The following CCDC42 variants were observed in gnomAD, a reference collection of about 807,000 sequenced individuals.
The protein encoded by CCDC42 is coiled-coil domain-containing protein 42.
Under a neutral mutation model 40.8 loss-of-function variants are expected in CCDC42, and 38 were observed. The ratio of observed to expected loss-of-function variants is 0.93; its 90% CI spans 0.72 to 1.22. CCDC42 has a LOEUF of 1.22. Among genes scored for constraint, CCDC42 ranks in the 50% most tolerant of loss-of-function variants. CCDC42 has a pLI of 0.00. For synonymous variants in CCDC42, 135 were observed against 157.5 expected, an observed-to-expected ratio of 0.86 and a Z score of 1.07; for missense variants, 379 against 416.5, an observed-to-expected ratio of 0.91 and a Z score of 0.78.
At chr17:8,730,326 T>G (rs919838779) in intron 6 of CCDC42, 119 bp from the exon 7 acceptor site, 6 of 628,190 alleles carry the variant, frequency 9.6e-6, no homozygotes, top group Non-Finnish European at 1.6e-5. Context: ...GTGACTGACT[T>G]CTTTTTAAAT....
chr17:8,731,383 AC>A (rs1388434272), intron 6 of CCDC42, among the ~76,000 whole-genome samples: 1 of 152,208 alleles, frequency 6.6e-6, no homozygotes, highest in Non-Finnish European at 1.5e-5. Context: ...CTACCATTCA[AC>A]CCAGCAGTCC....
At chr17:8,738,244 C>T (rs1352260834) in intron 4 of CCDC42, among the ~76,000 whole-genome samples, 1 of 152,174 alleles carries the variant, frequency 6.6e-6, no homozygotes, top group Non-Finnish European at 1.5e-5. Context: ...GAGATACATA[C>T]TGCAGAGAGA....
intron 6 of CCDC42, among the ~76,000 whole-genome samples, chr17:8,732,104 C>T (rs921593801): frequency 4.6e-5 from 7 of 151,482 alleles, no homozygotes; most frequent in East Asian, 1.9e-4. Flanking sequence ...ATCGAGACCA[C>T]CCTGGCTAAC....
At chr17:8,742,781 C>T (rs1721465646) in intron 3 of CCDC42, among the ~76,000 whole-genome samples, 1 of 152,216 alleles carries the variant, frequency 6.6e-6, no homozygotes, top group Admixed American at 6.5e-5. Context: ...GTGCTGAAAG[C>T]AACAAGGGAA....
intron 6 of CCDC42, among the ~76,000 whole-genome samples, chr17:8,731,229 G>A (rs952963801): frequency 3.9e-5 from 6 of 152,102 alleles, no homozygotes; most frequent in African/African-American, 1.4e-4. Context: ...ACACCAGAAT[G>A]GCTACTATTA....
intron 4 of CCDC42, among the ~76,000 whole-genome samples, chr17:8,739,733 G>T (rs986003545): frequency 4.6e-5 from 7 of 152,118 alleles, no homozygotes; most frequent in Non-Finnish European, 7.3e-5. Context: ...AGTAGAGACG[G>T]GGTTTCACCA....
At chr17:8,738,390 T>C (rs1293522371) in intron 4 of CCDC42, among the ~76,000 whole-genome samples, 1 of 152,188 alleles carries the variant, frequency 6.6e-6, no homozygotes, top group African/African-American at 2.4e-5. Context: ...TCTTTACTTT[T>C]GTGTATGCTT....
At chr17:8,731,434 A>G (rs1041026049) in intron 6 of CCDC42, among the ~76,000 whole-genome samples, 3 of 152,222 alleles carry the variant, frequency 2.0e-5, no homozygotes, top group African/African-American at 7.2e-5. Flanking sequence ...AAATCGTTCT[A>G]TCATAAACAC....
intron 2 of CCDC42, 121 bp from the exon 3 acceptor site, chr17:8,743,851 C>A (rs2086660532): frequency 1.4e-5 from 10 of 704,078 alleles, no homozygotes; most frequent in Non-Finnish European, 2.5e-5. Context: ...TCCATAGGAG[C>A]CTCCCACTTT....
chr17:8,738,765 A>G (rs995877467), intron 4 of CCDC42, among the ~76,000 whole-genome samples: 3 of 152,272 alleles, frequency 2.0e-5, no homozygotes, highest in Non-Finnish European at 2.9e-5. Flanking sequence ...GCACCTGGCT[A>G]TTTGAGAATT....
chr17:8,731,947 G>A (rs1442622426), intron 6 of CCDC42, among the ~76,000 whole-genome samples: 1 of 151,952 alleles, frequency 6.6e-6, no homozygotes, highest in Non-Finnish European at 1.5e-5. Flanking sequence ...GGTGGATCAC[G>A]AGGTCAGGAG....
At chr17:8,743,302 A>G (rs1238722893) in intron 3 of CCDC42, among the ~76,000 whole-genome samples, 1 of 152,114 alleles carries the variant, frequency 6.6e-6, no homozygotes, top group Non-Finnish European at 1.5e-5. Flanking sequence ...TGTATTTCCC[A>G]AGTGTTTAGT....
intron 1 of CCDC42, 45 bp downstream of exon 1, chr17:8,744,482 G>A (rs768943551): frequency 8.6e-6 from 13 of 1,503,768 alleles, no homozygotes; most frequent in African/African-American, 2.7e-5. Context: ...GGTGTGAGTG[G>A]TCCCAGGCAC....
At chr17:8,742,071 C>T (rs1395232640) in intron 3 of CCDC42, among the ~76,000 whole-genome samples, 5 of 152,040 alleles carry the variant, frequency 3.3e-5, no homozygotes, top group African/African-American at 9.7e-5. Flanking sequence ...CTCAACCCGC[C>T]GAGAAGACTG....
intron 3 of CCDC42, among the ~76,000 whole-genome samples, chr17:8,742,352 G>A (rs965925388): frequency 4.6e-5 from 7 of 152,160 alleles, no homozygotes; most frequent in Non-Finnish European, 1.0e-4. Flanking sequence ...ATAGGGCCTG[G>A]GGGGTAAGGC....
At position 8,743,562 on chromosome 17, in the gene CCDC42, G is replaced by A. The variant is rs531293788; in HGVS notation, c.294+64C>T. ...GTCAGCAGAAGCAAGGAGGAGGAGTGCAGTTTGCCCACCTGCGGACTATGG... is the reference window on the plus strand; with the variant it reads ...GTCAGCAGAAGCAAGGAGGAGGAGTACAGTTTGCCCACCTGCGGACTATGG... On this transcript the variant is annotated intron_variant, in intron 3 of 6. Coordinates refer to ENST00000293845, the MANE Select transcript of CCDC42 (RefSeq NM_144681.3). 1.2e-5 allele frequency: 11 copies of A among 903,198 alleles called. No individual in the cohort carries two copies. In the African/African-American group the frequency reaches 1.3e-4, roughly 11 times the overall value. The allele number at this position is 903,198 out of a possible 1,614,324, so 55.9% of individuals were successfully genotyped here.
chr17:8,739,324 C>T (rs116694173), intron 4 of CCDC42, among the ~76,000 whole-genome samples: 8,150 of 152,138 alleles, frequency 0.054, 464 homozygotes, highest in East Asian at 0.18. Context: ...TGAGTTCTGG[C>T]GGGGCTGTGA....
Position 8,735,636 on chromosome 17 carries a change from G to A in CCDC42, c.493-25C>T. ...ACTGTGGTCAGGGGCTCAGGTCAATGCACAGCCAGCCCCTGGGGCCTGAGG... is the reference window on the plus strand; with the variant it reads ...ACTGTGGTCAGGGGCTCAGGTCAATACACAGCCAGCCCCTGGGGCCTGAGG... On this transcript the variant is annotated intron_variant, in intron 4 of 6. Coordinates refer to ENST00000293845, the MANE Select transcript of CCDC42 (RefSeq NM_144681.3). This position sits in a 1 kb window ranked among gnomAD's most constrained non-coding sequence, Gnocchi z 4.7. The A allele has an allele frequency of 1.3e-6, 2 of 1,595,982 alleles. No homozygotes were observed. The highest frequency in any genetic ancestry group is 1.7e-6 in the Non-Finnish European group (2 of 1,167,538).
In CCDC42 at chr17:8,731,753, G is replaced by A. The variant is rs547433050; in HGVS notation, c.874-1546C>T. On this transcript the variant is annotated intron_variant, in intron 6 of 6. Coordinates refer to ENST00000293845, the MANE Select transcript of CCDC42 (RefSeq NM_144681.3). ...CAACACATACTGGGATCTGCTTGAG[G>A]GTGGAGAGTGGGAGGAGGGAGAGGA... 5.4e-4 allele frequency among the ~76,000 whole-genome samples: 83 copies of A among 152,298 alleles called. 2 individuals are homozygous for A. In the Middle Eastern group the frequency reaches 0.014, roughly 25 times the overall value.
Sources: allele counts gnomAD v4.1 joint callset (sites outside exome capture counted in the v4.1 genomes callset), GRCh38; gene constraint gnomAD v4.1.1; non-coding constraint Gnocchi (gnomAD v3.1); transcripts MANE v1.5; gene names NCBI Gene and HGNC (gene_info 2026-07-23, HGNC 2026-07-21).